TRAPPC9: variants seen among roughly 807,000 people sequenced by gnomAD.
TRAPPC9 encodes the protein trafficking protein particle complex subunit 9.
Under a neutral mutation model 124.0 loss-of-function variants are expected in TRAPPC9, and 83 were observed. The observed-to-expected ratio is 0.67, with a 90% CI of 0.56 to 0.80. The LOEUF is 0.80. TRAPPC9 is among the 30% of genes least tolerant of loss of function. The probability of loss-of-function intolerance (pLI) is 0.00; values close to 1 mark genes in which losing one functional copy is unlikely to be tolerated. For missense variants in TRAPPC9, 1,302 were observed against 1,508.3 expected (o/e 0.86, Z 2.27); for synonymous variants, 638 against 617.5 (o/e 1.03, Z -0.49).
chr8:140,101,554 T>C (rs1563762620), intron 17 of TRAPPC9, among the ~76,000 whole-genome samples: 1 of 143,510 alleles, frequency 7.0e-6, no homozygotes, highest in African/African-American at 2.6e-5. Flanking sequence ...TTTTTTTTTT[T>C]TTTTTGAGAC....
chr8:140,092,615 A>C lies in TRAPPC9; in HGVS notation c.2557-68536T>G, dbSNP rs1413614917. On this transcript the variant is annotated intron_variant, in intron 17 of 22. Coordinates refer to ENST00000438773, the MANE Select transcript of TRAPPC9 (RefSeq NM_001160372.4). Reference sequence around the variant, plus strand: ...CTAATGAGTCCAGGAATCAAACCACAGACTGACTGGCCCCTCAAGCACTTC... The same window carrying C: ...CTAATGAGTCCAGGAATCAAACCACCGACTGACTGGCCCCTCAAGCACTTC... 2.0e-5 allele frequency among the ~76,000 whole-genome samples: 3 copies of C among 152,250 alleles called. No homozygotes were observed. In the East Asian group the frequency reaches 5.8e-4, roughly 29 times the overall value.
chr8:140,053,854 T>C (rs1408233224), intron 17 of TRAPPC9, among the ~76,000 whole-genome samples: 1 of 152,196 alleles, frequency 6.6e-6, no homozygotes, highest in Non-Finnish European at 1.5e-5. Context: ...ATTTTGTCTA[T>C]CAAAGACACT....
intron 21 of TRAPPC9, among the ~76,000 whole-genome samples, chr8:139,800,061 C>T (rs948163130): frequency 2.0e-5 from 3 of 152,252 alleles, no homozygotes; most frequent in Admixed American, 6.5e-5. Flanking sequence ...ACAGATGCCA[C>T]AAAACACCTA....
chr8:140,187,564 A>C (rs571327796), intron 17 of TRAPPC9, among the ~76,000 whole-genome samples: 47 of 152,220 alleles, frequency 3.1e-4, no homozygotes, highest in Non-Finnish European at 5.9e-4. Flanking sequence ...ACTGAAGAGC[A>C]GCCACTGTAT....
At chr8:140,073,640 T>C (rs1010962296) in intron 17 of TRAPPC9, among the ~76,000 whole-genome samples, 1 of 152,194 alleles carries the variant, frequency 6.6e-6, no homozygotes, top group Non-Finnish European at 1.5e-5. Context: ...ATCCAAACTG[T>C]AGAGTTAAGA....
At chr8:140,354,037 A>G (rs989857315) in intron 9 of TRAPPC9, among the ~76,000 whole-genome samples, 1 of 152,252 alleles carries the variant, frequency 6.6e-6, no homozygotes. Context: ...TGGAAACGGC[A>G]TGTACGAAGG....
intron 19 of TRAPPC9, among the ~76,000 whole-genome samples, chr8:139,988,008 G>A (rs774189003): frequency 2.6e-5 from 4 of 152,084 alleles, no homozygotes; most frequent in Non-Finnish European, 4.4e-5. Context: ...CTCCCCTCCC[G>A]AAGGCCTGAG....
intron 17 of TRAPPC9, among the ~76,000 whole-genome samples, chr8:140,201,065 G>C (rs550659206): frequency 6.6e-6 from 1 of 152,166 alleles, no homozygotes; most frequent in South Asian, 2.1e-4. Context: ...TTCTAACGCC[G>C]GATGCAGGGC....
At chr8:139,973,887 G>A (rs1372619030) in intron 19 of TRAPPC9, among the ~76,000 whole-genome samples, 5 of 152,060 alleles carry the variant, frequency 3.3e-5, no homozygotes, top group Admixed American at 3.3e-4. Flanking sequence ...CATCCCTCTC[G>A]AGTCCCTGCG....
chr8:140,119,329 GA>G (rs1385928759), intron 17 of TRAPPC9, among the ~76,000 whole-genome samples: 1 of 152,238 alleles, frequency 6.6e-6, no homozygotes, highest in Non-Finnish European at 1.5e-5. Flanking sequence ...TGTTATGCAT[GA>G]TAAGGCAAAA....
intron 17 of TRAPPC9, among the ~76,000 whole-genome samples, chr8:140,083,942 G>A (rs1273308042): frequency 1.3e-5 from 2 of 152,184 alleles, no homozygotes; most frequent in Non-Finnish European, 2.9e-5. Context: ...TGGGATTACA[G>A]GCATGAGCGC....
At chr8:140,362,588 G>A (rs1353694096) in intron 8 of TRAPPC9, among the ~76,000 whole-genome samples, 1 of 151,932 alleles carries the variant, frequency 6.6e-6, no homozygotes. Context: ...TTATCTTCCC[G>A]ACATCTTTTG....
At chr8:139,979,955 G>A (rs141352098) in intron 19 of TRAPPC9, among the ~76,000 whole-genome samples, 182 of 152,280 alleles carry the variant, frequency 1.2e-3, no homozygotes, top group Non-Finnish European at 1.8e-3. Context: ...GGGTGCTGGC[G>A]GGAGGCCTTC....
chr8:140,033,699 T>G (rs1840696867), intron 17 of TRAPPC9, among the ~76,000 whole-genome samples: 1 of 123,436 alleles, frequency 8.1e-6, no homozygotes, highest in African/African-American at 3.8e-5. Context: ...TTTTTTTTTT[T>G]GAGACAGAGT....
At chr8:139,999,823 T>C (rs1008999096) in intron 18 of TRAPPC9, among the ~76,000 whole-genome samples, 6 of 152,200 alleles carry the variant, frequency 3.9e-5, no homozygotes. Flanking sequence ...CAACCCACTG[T>C]TCAAAGAGGA....
At chr8:140,313,713 ATCT>A (rs977860435) in intron 9 of TRAPPC9, among the ~76,000 whole-genome samples, 1 of 152,100 alleles carries the variant, frequency 6.6e-6, no homozygotes, top group Non-Finnish European at 1.5e-5. Flanking sequence ...TCAAATGCTA[ATCT>A]TCTGCTGGGG....
intron 21 of TRAPPC9, among the ~76,000 whole-genome samples, chr8:139,821,964 G>C (rs575373503): frequency 6.6e-6 from 1 of 152,226 alleles, no homozygotes. Flanking sequence ...CTGAGAATTC[G>C]TTAAGTGGCT....
At chr8:139,791,476 C>A (rs1020126373) in intron 21 of TRAPPC9, among the ~76,000 whole-genome samples, 1 of 151,760 alleles carries the variant, frequency 6.6e-6, no homozygotes, top group African/African-American at 2.4e-5. Flanking sequence ...CGTGCACAGA[C>A]TCACACAGGC....
At chr8:140,037,397 G>C (rs1456843137) in intron 17 of TRAPPC9, among the ~76,000 whole-genome samples, 1 of 151,804 alleles carries the variant, frequency 6.6e-6, no homozygotes. Flanking sequence ...AAGATACTTG[G>C]AACAAATGAA....
Sources: gnomAD v4.1 joint callset for allele counts (sites outside exome capture counted in the v4.1 genomes callset) on GRCh38, gnomAD v4.1.1 for gene constraint, MANE v1.5 for transcripts, NCBI Gene and HGNC (gene_info 2026-07-23, HGNC 2026-07-21) for gene names.